Variants in DPP6 observed in about 807,000 individuals in gnomAD.
DPP6 encodes A-type potassium channel modulatory protein DPP6.
DPP6 carries 69 observed loss-of-function variants against 122.6 expected under a neutral mutation model. The ratio of observed to expected loss-of-function variants is 0.56; its 90% CI spans 0.46 to 0.69. The LOEUF is 0.69. Ranked by LOEUF, DPP6 falls within the 30% of genes least tolerant of loss-of-function variation. The pLI, the probability that DPP6 is intolerant of heterozygous loss-of-function variation, is 0.00. For synonymous variants in DPP6, 418 were observed against 433.1 expected, an observed-to-expected ratio of 0.97 and a Z score of 0.43; for missense variants, 928 against 1,116.9, an observed-to-expected ratio of 0.83 and a Z score of 2.41.
At chr7:153,974,985 A>G (rs1796219440) in intron 1 of DPP6, among the ~76,000 whole-genome samples, 2 of 152,202 alleles carry the variant, frequency 1.3e-5, no homozygotes, top group Non-Finnish European at 2.9e-5. Flanking sequence ...GCGAGGGCTC[A>G]CATTTGGCTA....
intron 3 of DPP6, among the ~76,000 whole-genome samples, chr7:154,480,680 G>C (rs1013802388): frequency 6.6e-6 from 1 of 152,050 alleles, no homozygotes; most frequent in Non-Finnish European, 1.5e-5. Context: ...TCCATTTACT[G>C]ATGATTCCTA....
intron 1 of DPP6, among the ~76,000 whole-genome samples, chr7:154,377,306 C>G (rs1813212105): frequency 6.6e-6 from 1 of 152,110 alleles, no homozygotes; most frequent in Admixed American, 6.5e-5. Context: ...TGGCACATCC[C>G]AAGGGCAGGA....
In DPP6 at chr7:154,098,065, C is replaced by G. The variant is rs368586883; in HGVS notation, c.243+45002C>G. Among the ~76,000 whole-genome samples the G allele has an allele frequency of 5.3e-5, 8 of 152,312 alleles. No individual in the cohort carries two copies. In the East Asian group the frequency reaches 9.7e-4, roughly 18 times the overall value. On this transcript the variant is annotated intron_variant, in intron 1 of 25. Transcript: ENST00000377770. ...GTATTGATATGGTTCTGCTGTGTCC[C>G]CACCCAAATCTCACCTTGAATTGTA...
intron 2 of DPP6, among the ~76,000 whole-genome samples, chr7:154,463,846 T>C (rs1821551281): frequency 6.6e-6 from 1 of 152,134 alleles, no homozygotes; most frequent in Admixed American, 6.5e-5. Context: ...CAATTTCCTC[T>C]TTTCTCTTCC....
At chr7:154,235,090 A>C (rs1231950418) in intron 1 of DPP6, among the ~76,000 whole-genome samples, 1 of 152,230 alleles carries the variant, frequency 6.6e-6, no homozygotes, top group Non-Finnish European at 1.5e-5. Flanking sequence ...TGTTTAGCCT[A>C]TGCACAGAAT....
intron 1 of DPP6, among the ~76,000 whole-genome samples, chr7:154,008,928 G>GT (rs1798040847): frequency 6.7e-6 from 1 of 148,912 alleles, no homozygotes. Context: ...GCCTCCCAAA[G>GT]TGCTGGGATT....
chr7:154,249,241 CAGG>C (rs1309971409), intron 1 of DPP6, among the ~76,000 whole-genome samples: 2 of 152,224 alleles, frequency 1.3e-5, no homozygotes, highest in Admixed American at 1.3e-4. Flanking sequence ...AACATATTAG[CAGG>C]AGGCCATTTT....
intron 16 of DPP6, among the ~76,000 whole-genome samples, chr7:154,828,727 G>C (rs905642801): frequency 5.9e-5 from 9 of 152,052 alleles, no homozygotes; most frequent in African/African-American, 2.2e-4. Context: ...GTTTCCCCTG[G>C]GCTCTGACCC....
chr7:154,325,659 T>C (rs1808385767), intron 1 of DPP6, among the ~76,000 whole-genome samples: 3 of 152,228 alleles, frequency 2.0e-5, no homozygotes, highest in African/African-American at 7.2e-5. Flanking sequence ...GGTTCTTTAT[T>C]TTTGCTTTAT....
At chr7:153,752,711 G>A in the DPP6 span, among the ~76,000 whole-genome samples, 1 of 117,144 alleles carries the variant, frequency 8.5e-6, no homozygotes, top group Non-Finnish European at 1.7e-5. Context: ...GCATGGCATG[G>A]TGGTATGTGC....
chr7:154,385,931 A>C (rs76118267), intron 1 of DPP6, among the ~76,000 whole-genome samples: 9,158 of 152,224 alleles, frequency 0.06, 878 homozygotes, highest in African/African-American at 0.21. Context: ...TGTAAAAAGC[A>C]AGAAGCACTA....
At chr7:153,965,441 C>T (rs1266782361) in intron 1 of DPP6, among the ~76,000 whole-genome samples, 7 of 152,156 alleles carry the variant, frequency 4.6e-5, no homozygotes, top group Non-Finnish European at 1.0e-4. Flanking sequence ...CCTACACAGA[C>T]AAGGGTGTAA....
intron 1 of DPP6, among the ~76,000 whole-genome samples, chr7:154,280,286 T>C (rs1385429165): frequency 2.6e-5 from 4 of 152,188 alleles, no homozygotes; most frequent in Non-Finnish European, 5.9e-5. Context: ...TTCATGAAGA[T>C]TTGAGGTAGG....
intron 6 of DPP6, among the ~76,000 whole-genome samples, chr7:154,646,414 C>A (rs4246094): frequency 6.6e-6 from 1 of 151,992 alleles, no homozygotes; most frequent in Non-Finnish European, 1.5e-5. Flanking sequence ...CCCCACCACA[C>A]GAGCCCCCTC....
At chr7:154,470,608 G>T (rs1826230905) in intron 2 of DPP6, among the ~76,000 whole-genome samples, 1 of 152,156 alleles carries the variant, frequency 6.6e-6, no homozygotes, top group South Asian at 2.1e-4. Context: ...ATCTGAGGAA[G>T]GGAAAGGAGG....
intron 17 of DPP6, among the ~76,000 whole-genome samples, chr7:154,855,681 T>C (rs1584904604): frequency 6.6e-6 from 1 of 152,278 alleles, no homozygotes; most frequent in East Asian, 1.9e-4. Context: ...AGCTAGAACT[T>C]CCACCAAGGC....
chr7:154,732,717 G>C (rs1204836019), intron 8 of DPP6, among the ~76,000 whole-genome samples: 1 of 152,140 alleles, frequency 6.6e-6, no homozygotes, highest in Non-Finnish European at 1.5e-5. Context: ...TTCCAGGGCT[G>C]GATTTTCCTT....
At chr7:154,568,589 C>T (rs1023386835) in intron 5 of DPP6, among the ~76,000 whole-genome samples, 18 of 152,164 alleles carry the variant, frequency 1.2e-4, no homozygotes, top group Admixed American at 1.2e-3. Context: ...CCACTTTCTT[C>T]GGCTTCCCAG....
At chr7:154,872,481 A>C (rs1387784858) in intron 18 of DPP6, 143 bp from the exon 19 acceptor site, 39 of 1,340,258 alleles carry the variant, frequency 2.9e-5, no homozygotes, top group African/African-American at 5.8e-5. Context: ...CTCAGGATGA[A>C]AACCCTGGGC....
Sources: gnomAD v4.1 joint callset for allele counts (sites outside exome capture counted in the v4.1 genomes callset) on GRCh38, gnomAD v4.1.1 for gene constraint, MANE v1.5 for transcripts, NCBI Gene and HGNC (gene_info 2026-07-23, HGNC 2026-07-21) for gene names.